Variants in DUSP29 observed in about 807,000 individuals in gnomAD.
DUSP29 encodes dual specificity phosphatase 29.
In DUSP29, 12 loss-of-function variants were observed where a neutral mutation model predicts 13.5. The ratio of observed to expected loss-of-function variants is 0.89; its 90% CI spans 0.57 to 1.44. DUSP29 has a LOEUF of 1.44. DUSP29 is among the 40% of genes most tolerant of loss of function. DUSP29 has a pLI of 0.00. For synonymous variants in DUSP29, 134 were observed against 128.7 expected, an observed-to-expected ratio of 1.04 and a Z score of -0.28; for missense variants, 308 against 301.1, an observed-to-expected ratio of 1.02 and a Z score of -0.17.
intron 1 of DUSP29, among the ~76,000 whole-genome samples, chr10:75,061,166 G>A (rs1847079151): frequency 6.6e-6 from 1 of 152,164 alleles, no homozygotes; most frequent in African/African-American, 2.4e-5. Context: ...TTACAGGTGT[G>A]AGCCATCACA....
At chr10:75,070,796 C>T (rs1463306629) in intron 1 of DUSP29, among the ~76,000 whole-genome samples, 2 of 152,208 alleles carry the variant, frequency 1.3e-5, no homozygotes, top group Non-Finnish European at 2.9e-5. Context: ...GGACTCTCCC[C>T]AGCTAGTCAG....
chr10:75,046,901 C>T (rs916362890), intron 2 of DUSP29, among the ~76,000 whole-genome samples: 2 of 152,206 alleles, frequency 1.3e-5, no homozygotes, highest in Non-Finnish European at 2.9e-5. Context: ...ATTAACTCTT[C>T]TTGACAGGAA....
chr10:75,044,330 G>A (rs930909211), intron 2 of DUSP29, among the ~76,000 whole-genome samples: 15 of 150,962 alleles, frequency 9.9e-5, no homozygotes, highest in African/African-American at 3.7e-4. Context: ...TACGGTGGTC[G>A]CAGATCTGGA....
At chr10:75,070,387 C>G (rs750531) in intron 1 of DUSP29, among the ~76,000 whole-genome samples, 77,578 of 152,002 alleles carry the variant, frequency 0.51, 22,120 homozygotes, top group East Asian at 0.94. Flanking sequence ...GTGGAGCACA[C>G]AGTCATGTAA....
chr10:75,046,539 A>C (rs543172459), intron 2 of DUSP29, among the ~76,000 whole-genome samples: 15 of 152,262 alleles, frequency 9.9e-5, no homozygotes, highest in African/African-American at 3.6e-4. Context: ...GGAGCTTTTT[A>C]TTTGGCATGA....
chr10:75,046,218 T>C (rs578150835), intron 2 of DUSP29, among the ~76,000 whole-genome samples: 2 of 152,170 alleles, frequency 1.3e-5, no homozygotes, highest in East Asian at 1.9e-4. Context: ...CAAAGAGAGC[T>C]CTAGAGAGTG....
At chr10:75,069,013 A>G (rs1847263711) in intron 1 of DUSP29, among the ~76,000 whole-genome samples, 1 of 152,108 alleles carries the variant, frequency 6.6e-6, no homozygotes. Flanking sequence ...ACAGGAGGCA[A>G]TTATGTGAAT....
At chr10:75,050,100 C>T (rs1202922030) in intron 2 of DUSP29, among the ~76,000 whole-genome samples, 2 of 152,190 alleles carry the variant, frequency 1.3e-5, no homozygotes, top group Non-Finnish European at 2.9e-5. Context: ...CTCAATTATC[C>T]CGTTTCAGCC....
At chr10:75,043,059 A>G (rs1440813832) in intron 3 of DUSP29, among the ~76,000 whole-genome samples, 1 of 152,286 alleles carries the variant, frequency 6.6e-6, no homozygotes, top group African/African-American at 2.4e-5. Context: ...TTCTGAGCAC[A>G]AAGACTAGCA....
At chr10:75,073,056 A>C (rs1847368602) in intron 1 of DUSP29, among the ~76,000 whole-genome samples, 2 of 148,012 alleles carry the variant, frequency 1.4e-5, no homozygotes, top group South Asian at 4.3e-4. Context: ...GGACTGAGAA[A>C]TGCTCCCAAA....
chr10:75,067,858 G>A (rs542132292), intron 1 of DUSP29, among the ~76,000 whole-genome samples: 2 of 151,922 alleles, frequency 1.3e-5, no homozygotes, highest in Non-Finnish European at 2.9e-5. Flanking sequence ...TGTCGCCCAG[G>A]CTGGAGTAAA....
intron 2 of DUSP29, among the ~76,000 whole-genome samples, chr10:75,050,733 G>A (rs1846807791): frequency 6.6e-6 from 1 of 152,214 alleles, no homozygotes; most frequent in Admixed American, 6.5e-5. Flanking sequence ...GACCCCTATC[G>A]AGTTAGAGGA....
Position 75,037,974 on chromosome 10 carries a change from C to A in DUSP29, c.525G>T (p.Gln175His). 6.2e-7 allele frequency: 1 copy of A among 1,613,950 alleles called. No homozygotes were observed. The highest frequency in any genetic ancestry group is 8.5e-7 in the Non-Finnish European group (1 of 1,180,028). ...HKDMTLVDAI[Q>H]QVAKNRCVLP... ...GGACGCAGCGGTTCTTGGCCACTTG[C>A]TGGATGGCGTCCACCAGGGTCATGT... The change falls in exon 4 of 4, where the codon CAG becomes CAT. Residue 175 changes from glutamine (Q) to histidine (H), a missense_variant. By Grantham distance (24) the Gln-to-His change is conservative. Coordinates refer to ENST00000338487, the MANE Select transcript of DUSP29 (RefSeq NM_001003892.3).
At chr10:75,052,924 C>T (rs1157051106) in intron 2 of DUSP29, among the ~76,000 whole-genome samples, 1 of 152,222 alleles carries the variant, frequency 6.6e-6, no homozygotes, top group Non-Finnish European at 1.5e-5. Context: ...TTGCTTTTGC[C>T]AGTGAAATGT....
intron 2 of DUSP29, among the ~76,000 whole-genome samples, chr10:75,046,707 G>C (rs1156673549): frequency 6.6e-6 from 1 of 152,218 alleles, no homozygotes; most frequent in Non-Finnish European, 1.5e-5. Flanking sequence ...GACACATTGT[G>C]CTTTCCATTT....
intron 1 of DUSP29, among the ~76,000 whole-genome samples, chr10:75,071,171 A>T (rs1847320872): frequency 6.6e-6 from 1 of 152,232 alleles, no homozygotes; most frequent in South Asian, 2.1e-4. Flanking sequence ...CTTGGGCAGA[A>T]CACTTAGTAT....
intron 3 of DUSP29, among the ~76,000 whole-genome samples, chr10:75,042,146 C>A (rs557555679): frequency 1.3e-5 from 2 of 152,252 alleles, no homozygotes; most frequent in African/African-American, 2.4e-5. Flanking sequence ...GCGCTTTACG[C>A]GCGTTACTGC....
chr10:75,068,095 G>A (rs768218011), intron 1 of DUSP29, among the ~76,000 whole-genome samples: 3 of 152,188 alleles, frequency 2.0e-5, no homozygotes, highest in African/African-American at 4.8e-5. Flanking sequence ...TTATAGGCAT[G>A]AGCCACTGCA....
intron 1 of DUSP29, among the ~76,000 whole-genome samples, chr10:75,058,825 G>A (rs1288079191): frequency 6.6e-6 from 1 of 152,200 alleles, no homozygotes; most frequent in Non-Finnish European, 1.5e-5. Flanking sequence ...AAGAAATCCT[G>A]CAAGCAGCCA....
Sources: allele counts gnomAD v4.1 joint callset (sites outside exome capture counted in the v4.1 genomes callset), GRCh38; gene constraint gnomAD v4.1.1; transcripts MANE v1.5; gene names NCBI Gene and HGNC (gene_info 2026-07-23, HGNC 2026-07-21).